Variants in CLASP2 observed in about 807,000 individuals in gnomAD.
CLASP2 encodes CLIP-associating protein 2.
CLASP2 carries 47 observed loss-of-function variants against 194.4 expected under a neutral mutation model. The observed-to-expected ratio is 0.24, with a 90% CI of 0.19 to 0.31. The LOEUF is 0.31. CLASP2 is among the 10% of genes least tolerant of loss of function. The probability of loss-of-function intolerance (pLI) is 1.00; values close to 1 mark genes in which losing one functional copy is unlikely to be tolerated. For synonymous variants in CLASP2, 619 were observed against 633.5 expected, an observed-to-expected ratio of 0.98 and a Z score of 0.34; for missense variants, 1,445 against 1,823.6, an observed-to-expected ratio of 0.79 and a Z score of 3.78.
intron 29 of CLASP2, among the ~76,000 whole-genome samples, chr3:33,552,737 A>G (rs1162754700): frequency 1.3e-5 from 2 of 152,162 alleles, no homozygotes; most frequent in Non-Finnish European, 2.9e-5. Flanking sequence ...CTACTCTTTT[A>G]GCAAAAATCC....
At chr3:33,596,648 G>A in intron 19 of CLASP2, 63 bp downstream of exon 19, 2 of 1,091,250 alleles carry the variant, frequency 1.8e-6, no homozygotes, top group Non-Finnish European at 1.3e-6. Flanking sequence ...AATGAACAAG[G>A]ATATTATATA....
chr3:33,671,015 C>T (rs2087064459), intron 6 of CLASP2, among the ~76,000 whole-genome samples: 1 of 152,024 alleles, frequency 6.6e-6, no homozygotes, highest in African/African-American at 2.4e-5. Context: ...AGGAAAATAC[C>T]CATCTCCTGC....
chr3:33,567,335 C>T (rs1015094119), intron 26 of CLASP2, among the ~76,000 whole-genome samples: 1 of 152,202 alleles, frequency 6.6e-6, no homozygotes, highest in African/African-American at 2.4e-5. Context: ...CTAGAATGCT[C>T]GTCAGGAGAT....
intron 34 of CLASP2, among the ~76,000 whole-genome samples, chr3:33,518,786 T>C (rs1189806795): frequency 6.6e-6 from 1 of 152,230 alleles, no homozygotes; most frequent in Non-Finnish European, 1.5e-5. Flanking sequence ...TGACCTGACA[T>C]ATAATGATCT....
In CLASP2 at chr3:33,685,209, G is replaced by A. The variant is rs187116170; in HGVS notation, c.547-753C>T. Among the ~76,000 whole-genome samples the A allele has an allele frequency of 1.8e-3, 266 of 150,360 alleles. 1 individual carries two copies. The highest frequency in any genetic ancestry group is 6.0e-3 in the African/African-American group (245 of 41,048). Reference sequence around the variant, plus strand: ...TACAAAAAATTAGCCCAGCGTGGTGGCACATCCCTGTAATCCCAGCTACTT... The same window carrying A: ...TACAAAAAATTAGCCCAGCGTGGTGACACATCCCTGTAATCCCAGCTACTT... On this transcript the variant is annotated intron_variant, in intron 5 of 38. Transcript: ENST00000682230.
intron 22 of CLASP2, among the ~76,000 whole-genome samples, chr3:33,583,446 TG>T (rs2066608345): frequency 6.6e-6 from 1 of 152,202 alleles, no homozygotes; most frequent in African/African-American, 2.4e-5. Flanking sequence ...ACTGTACCTT[TG>T]GGAAGAAATG....
At chr3:33,640,046 T>C (rs1049819361) in intron 8 of CLASP2, among the ~76,000 whole-genome samples, 1 of 152,072 alleles carries the variant, frequency 6.6e-6, no homozygotes, top group African/African-American at 2.4e-5. Flanking sequence ...CCCTTTAAGG[T>C]GAAAATCTTC....
At chr3:33,575,982 G>T (rs905696234) in intron 24 of CLASP2, among the ~76,000 whole-genome samples, 187 bp downstream of exon 24, 1 of 152,070 alleles carries the variant, frequency 6.6e-6, no homozygotes, top group Admixed American at 6.5e-5. Context: ...ACTGGCCCTG[G>T]TATAAAATTC....
At chr3:33,693,981 C>T (rs2091618606) in intron 2 of CLASP2, among the ~76,000 whole-genome samples, 2 of 151,614 alleles carry the variant, frequency 1.3e-5, no homozygotes, top group African/African-American at 4.8e-5. Context: ...TTAAGAATCA[C>T]AGAGTAAAGA....
At chr3:33,552,696 C>T (rs1339239200) in intron 29 of CLASP2, among the ~76,000 whole-genome samples, 2 of 152,116 alleles carry the variant, frequency 1.3e-5, no homozygotes, top group South Asian at 4.1e-4. Flanking sequence ...TCAGTCACCC[C>T]TTTTCTGTGT....
intron 37 of CLASP2, among the ~76,000 whole-genome samples, chr3:33,507,164 T>C (rs1199372631): frequency 6.6e-6 from 1 of 152,228 alleles, no homozygotes; most frequent in Non-Finnish European, 1.5e-5. Context: ...CTTGAACTCC[T>C]GACCTCAGGT....
chr3:33,658,092 T>C (rs528423502), intron 7 of CLASP2, among the ~76,000 whole-genome samples: 12 of 152,186 alleles, frequency 7.9e-5, no homozygotes, highest in African/African-American at 2.6e-4. Context: ...AAAAAAGGTG[T>C]AATGAAAAAA....
At chr3:33,669,657 G>T (rs575625617) in intron 6 of CLASP2, among the ~76,000 whole-genome samples, 3 of 150,896 alleles carry the variant, frequency 2.0e-5, no homozygotes, top group Non-Finnish European at 4.4e-5. Flanking sequence ...CTGATAAACA[G>T]ATTAAATGGT....
intron 7 of CLASP2, among the ~76,000 whole-genome samples, chr3:33,656,598 T>C (rs976708241): frequency 6.6e-6 from 1 of 152,168 alleles, no homozygotes. Flanking sequence ...AAATGAAAAC[T>C]TTGATTCAGA....
intron 1 of CLASP2, among the ~76,000 whole-genome samples, chr3:33,715,846 G>GT (rs1491560883): frequency 8.2e-5 from 2 of 24,296 alleles, no homozygotes; most frequent in East Asian, 1.3e-3. Context: ...TGTATCTTAA[G>GT]TAAAAAAAAA....
At chr3:33,516,249 G>T in intron 35 of CLASP2, 98 bp from the exon 36 acceptor site, 1 of 1,153,972 alleles carries the variant, frequency 8.7e-7, no homozygotes, top group Non-Finnish European at 1.2e-6. Context: ...ATTGGGGGAG[G>T]AGTTGTAGAT....
At chr3:33,540,214 G>C (rs566472854) in intron 32 of CLASP2, among the ~76,000 whole-genome samples, 2 of 147,946 alleles carry the variant, frequency 1.4e-5, no homozygotes. Flanking sequence ...ACACGCATGA[G>C]CCACTGTGAC....
rs1360622927 is a variant in CLASP2, at chr3:33,544,770, T to C, written c.3225A>G (p.Leu1075=). Reference sequence around the variant, plus strand: ...TAGCACCATCCTGAAAAGTTTTTGGTAAAGCTCCTAATAACATTGTAAACT... The same window carrying C: ...TAGCACCATCCTGAAAAGTTTTTGGCAAAGCTCCTAATAACATTGTAAACT... ...TPEFTMLLGA[L]PKTFQDGATK... is the part of the protein sequence containing the mutation. The change falls in exon 31 of 39, where the codon TTA becomes TTG. Residue 1075 remains leucine (L), a synonymous_variant. Coordinates refer to ENST00000682230, the MANE Select transcript of CLASP2 (RefSeq NM_001365631.1). 8 of 1,613,352 alleles carry C rather than the reference T, an allele frequency of 5.0e-6. No individual in the cohort carries two copies. Among genetic ancestry groups the C allele is most frequent in the Non-Finnish European group, 6.8e-6 (8 of 1,179,598 alleles).
At chr3:33,701,543 C>T (rs2154353204) in intron 1 of CLASP2, among the ~76,000 whole-genome samples, 1 of 152,318 alleles carries the variant, frequency 6.6e-6, no homozygotes, top group Non-Finnish European at 1.5e-5. Flanking sequence ...CTGTAGTGAC[C>T]TATGAATGCA....
Sources: gnomAD v4.1 joint callset for allele counts (sites outside exome capture counted in the v4.1 genomes callset) on GRCh38, gnomAD v4.1.1 for gene constraint, MANE v1.5 for transcripts, NCBI Gene and HGNC (gene_info 2026-07-23, HGNC 2026-07-21) for gene names.